The following RBFOX1 variants were observed in gnomAD, a reference collection of about 807,000 sequenced individuals.
The protein encoded by RBFOX1 is RNA binding fox-1 homolog 1.
A neutral mutation model predicts 57.7 loss-of-function variants in RBFOX1; 8 were observed. That is an observed-to-expected ratio of 0.14 (90% CI 0.08 to 0.25). RBFOX1 has a LOEUF of 0.25. Among genes scored for constraint, RBFOX1 ranks in the 10% least tolerant of loss-of-function variants. The pLI, the probability that RBFOX1 is intolerant of heterozygous loss-of-function variation, is 1.00. For missense variants in RBFOX1, 611 were observed against 548.5 expected (o/e 1.11, Z -1.14); for synonymous variants, 326 against 222.4 (o/e 1.47, Z -4.15).
chr16:6,233,215 A>G (rs995020183), intron 1 of RBFOX1, among the ~76,000 whole-genome samples: 1 of 152,168 alleles, frequency 6.6e-6, no homozygotes, highest in Non-Finnish European at 1.5e-5. Flanking sequence ...CGTCAGTGGC[A>G]TTTCAGAGAG....
At chr16:7,155,718 T>A (rs776393834) in intron 4 of RBFOX1, among the ~76,000 whole-genome samples, 50,731 of 78,514 alleles carry the variant, frequency 0.65, 16,482 homozygotes, top group South Asian at 0.67. Context: ...AAAAAATATA[T>A]ATATATATAT....
At chr16:7,349,289 C>G (rs1349780866) in intron 4 of RBFOX1, among the ~76,000 whole-genome samples, 1 of 152,182 alleles carries the variant, frequency 6.6e-6, no homozygotes, top group Admixed American at 6.5e-5. Context: ...CTTGTCAGCT[C>G]TCATCACTCC....
chr16:6,500,901 T>TA (rs1454381174), intron 2 of RBFOX1, among the ~76,000 whole-genome samples: 4 of 148,492 alleles, frequency 2.7e-5, no homozygotes, highest in Non-Finnish European at 5.9e-5. Context: ...TTTTTTTTTT[T>TA]AATGCTGAGA....
chr16:6,175,703 C>T (rs931390684), intron 1 of RBFOX1, among the ~76,000 whole-genome samples: 1 of 152,132 alleles, frequency 6.6e-6, no homozygotes, highest in African/African-American at 2.4e-5. Flanking sequence ...GCCTGAGATC[C>T]TGGATTTCTA....
upstream of RBFOX1, among the ~76,000 whole-genome samples, chr16:6,016,909 C>T (rs111752522): frequency 1.2e-4 from 19 of 152,260 alleles, no homozygotes; most frequent in Middle Eastern, 3.4e-3. Context: ...GATCTTTACT[C>T]TAATTTTGTT....
intron 4 of RBFOX1, among the ~76,000 whole-genome samples, chr16:7,207,336 A>G (rs1470466757): frequency 6.6e-6 from 1 of 151,922 alleles, no homozygotes; most frequent in African/African-American, 2.4e-5. Context: ...ATGGAACATG[A>G]TTTTTCTTAT....
intron 2 of RBFOX1, among the ~76,000 whole-genome samples, chr16:6,452,578 T>A (rs182050372): frequency 2.2e-4 from 34 of 152,322 alleles, no homozygotes; most frequent in Admixed American, 2.0e-3. Context: ...AAGTGATACC[T>A]GAACAATAGG....
rs189433421 is a variant in RBFOX1 at position 6,425,232 on chromosome 16, C to T, written c.-64+108175C>T. ...GCCAGAATCTACTTCCATATGCAGA[C>T]AGGAAGGAGAGTATGGTCAACAGGT... On this transcript the variant is annotated intron_variant, in intron 2 of 15. Coordinates refer to ENST00000550418, the MANE Select transcript of RBFOX1 (RefSeq NM_018723.4). Among the ~76,000 whole-genome samples, 637 of 152,206 alleles carry T rather than the reference C, an allele frequency of 4.2e-3. 2 individuals carry two copies. Among genetic ancestry groups the T allele is most frequent in the Non-Finnish European group, 6.8e-3 (465 of 68,002 alleles).
At chr16:6,553,352 T>G (rs913003839) in intron 2 of RBFOX1, among the ~76,000 whole-genome samples, 1 of 152,180 alleles carries the variant, frequency 6.6e-6, no homozygotes, top group South Asian at 2.1e-4. Flanking sequence ...ATGCTGGGGA[T>G]AATGTGTGGA....
At chr16:5,809,009 C>A (rs2055327970) in intron 3 of RBFOX1, among the ~76,000 whole-genome samples, 1 of 151,930 alleles carries the variant, frequency 6.6e-6, no homozygotes, top group African/African-American at 2.4e-5. Context: ...GTTTTCAAAC[C>A]CTAACGCTGC....
intron 1 of RBFOX1, among the ~76,000 whole-genome samples, chr16:5,384,719 G>A (rs921205986): frequency 1.3e-5 from 2 of 152,192 alleles, no homozygotes; most frequent in African/African-American, 4.8e-5. Flanking sequence ...GTTCTCAGGG[G>A]TTGGGCTTTT....
chr16:5,751,029 A>G (rs1040695653), intron 3 of RBFOX1, among the ~76,000 whole-genome samples: 4 of 152,122 alleles, frequency 2.6e-5, no homozygotes, highest in African/African-American at 9.7e-5. Context: ...TTTAGTAGAG[A>G]GGTGGGTTTC....
intron 3 of RBFOX1, among the ~76,000 whole-genome samples, chr16:6,967,569 C>T (rs964421233): frequency 1.3e-5 from 2 of 152,110 alleles, no homozygotes; most frequent in Non-Finnish European, 2.9e-5. Context: ...TCCTACACCT[C>T]TTTACATGTC....
In RBFOX1 at chr16:6,450,841, A is replaced by G. The variant is rs1169494240; in HGVS notation, c.-64+133784A>G. Reference sequence around the variant, plus strand: ...TACATATATATATATATATATGTGTATATATATATATATATATATATATAT... The same window carrying G: ...TACATATATATATATATATATGTGTGTATATATATATATATATATATATAT... On this transcript the variant is annotated intron_variant, in intron 2 of 15. Coordinates refer to ENST00000550418, the MANE Select transcript of RBFOX1 (RefSeq NM_018723.4). 1.4e-3 allele frequency among the ~76,000 whole-genome samples: 55 copies of G among 40,550 alleles called. 3 individuals carry two copies. The highest frequency in any genetic ancestry group is 0.023 in the Middle Eastern group (2 of 88). The allele number at this position is 40,550 out of a possible 152,430, so 26.6% of individuals were successfully genotyped here.
intron 3 of RBFOX1, among the ~76,000 whole-genome samples, chr16:6,918,233 G>A (rs893596954): frequency 8.0e-5 from 12 of 150,058 alleles, no homozygotes; most frequent in Non-Finnish European, 1.2e-4. Flanking sequence ...AGTGAGCTGA[G>A]ATTGTACCAT....
intron 3 of RBFOX1, among the ~76,000 whole-genome samples, chr16:6,685,586 C>G (rs948501452): frequency 4.6e-5 from 7 of 151,924 alleles, no homozygotes; most frequent in African/African-American, 1.7e-4. Context: ...CTGTGTCTGG[C>G]CAAGAGTTTC....
rs77882386 is a variant in RBFOX1 at position 6,478,102 on chromosome 16, G to C, written c.-64+161045G>C. ...ACTAATACTCCACACCAGCAACAAG[G>C]CTCTTTTACTTATTAGTAGTGTGTT... On this transcript the variant is annotated intron_variant, in intron 2 of 15. Coordinates refer to ENST00000550418, the MANE Select transcript of RBFOX1 (RefSeq NM_018723.4). Among the ~76,000 whole-genome samples the C allele has an allele frequency of 5.9e-5, 9 of 152,052 alleles. No homozygotes were observed. The East Asian group carries it at 1.7e-3, about 29-fold the overall frequency.
At chr16:7,285,224 A>T (rs76128964) in intron 4 of RBFOX1, among the ~76,000 whole-genome samples, 1 of 151,880 alleles carries the variant, frequency 6.6e-6, no homozygotes, top group African/African-American at 2.4e-5. Flanking sequence ...ATGCAGCTGT[A>T]AGGAATAATA....
intron 3 of RBFOX1, among the ~76,000 whole-genome samples, chr16:6,782,840 C>G (rs1026054047): frequency 2.8e-4 from 43 of 152,070 alleles, no homozygotes; most frequent in Admixed American, 1.6e-3. Flanking sequence ...CTTAGCATTC[C>G]CAACTATCAT....
Sources: gnomAD v4.1 joint callset for allele counts (sites outside exome capture counted in the v4.1 genomes callset) on GRCh38, gnomAD v4.1.1 for gene constraint, MANE v1.5 for transcripts, NCBI Gene and HGNC (gene_info 2026-07-23, HGNC 2026-07-21) for gene names.